CMC1: variants seen among roughly 807,000 people sequenced by gnomAD.
The protein encoded by CMC1 is COX assembly mitochondrial protein homolog.
CMC1 carries 14 observed loss-of-function variants against 14.1 expected under a neutral mutation model. The observed-to-expected ratio is 0.99, with a 90% CI of 0.66 to 1.55. CMC1 has a LOEUF of 1.55. CMC1 is among the 40% of genes most tolerant of loss of function. The probability of loss-of-function intolerance (pLI) is 0.00; values close to 1 mark genes in which losing one functional copy is unlikely to be tolerated. For synonymous variants in CMC1, 50 were observed against 38.4 expected (o/e 1.30, Z -1.12); for missense variants, 127 against 123.8 (o/e 1.03, Z -0.12).
At position 28,322,322 on chromosome 3, in the gene CMC1, A is replaced by T. The variant is rs936177853; in HGVS notation, c.*2693A>T. On this transcript the variant is annotated 3_prime_UTR_variant, in exon 4 of 4. Transcript: ENST00000466830. Reference sequence around the variant, plus strand: ...CCAACAATTAGTACTAGATTTTGAGATCTATAGGCAAGGACAATATTTCAC... The same window carrying T: ...CCAACAATTAGTACTAGATTTTGAGTTCTATAGGCAAGGACAATATTTCAC... 6 of 151,328 alleles carry T rather than the reference A, an allele frequency of 4.0e-5. No homozygotes were observed. Among genetic ancestry groups the T allele is most frequent in the African/African-American group, 9.7e-5 (4 of 41,356 alleles). 9.4% of individuals were successfully genotyped at this position (151,328 alleles called of 1,614,324 possible). A position where few individuals can be genotyped will look rare whatever the true frequency, so the allele number is the denominator to read the frequency against.
intron 1 of CMC1, among the ~76,000 whole-genome samples, chr3:28,249,586 T>C (rs1699018468): frequency 1.3e-5 from 2 of 152,294 alleles, no homozygotes; most frequent in African/African-American, 2.4e-5. Flanking sequence ...AAAATATCAA[T>C]GCCTGGCTTT....
chr3:28,300,122 CTTAT>C (rs1373895049), intron 2 of CMC1, among the ~76,000 whole-genome samples: 1 of 151,874 alleles, frequency 6.6e-6, no homozygotes, highest in Non-Finnish European at 1.5e-5. Context: ...AAAATTTGGA[CTTAT>C]TTATTAGCAA....
intron 1 of CMC1, among the ~76,000 whole-genome samples, chr3:28,243,211 A>G (rs148176333): frequency 0.013 from 1,915 of 151,952 alleles, 18 homozygotes; most frequent in Non-Finnish European, 0.02. Context: ...GCCCGCCACC[A>G]CGGCCGGCTA....
At chr3:28,295,687 G>A (rs141175598) in intron 2 of CMC1, among the ~76,000 whole-genome samples, 12 of 152,042 alleles carry the variant, frequency 7.9e-5, no homozygotes, top group African/African-American at 2.9e-4. Flanking sequence ...AAACAGGCTT[G>A]GTACATAGAA....
intron 2 of CMC1, among the ~76,000 whole-genome samples, chr3:28,268,169 G>A (rs895825282): frequency 6.6e-6 from 1 of 152,180 alleles, no homozygotes; most frequent in Non-Finnish European, 1.5e-5. Context: ...ACTATCTCAT[G>A]GGTTCCCAAT....
At position 28,241,654 on chromosome 3, in the gene CMC1, G is replaced by A. The variant is rs538521979; in HGVS notation, c.-140G>A. ...GGAAGAGGGAACGGGTCCTGGCGGTGCTTTGCAAAGGGCCCGTGTTTCTGT... is the reference window on the plus strand; with the variant it reads ...GGAAGAGGGAACGGGTCCTGGCGGTACTTTGCAAAGGGCCCGTGTTTCTGT... On this transcript the variant is annotated 5_prime_UTR_variant, in exon 1 of 4. Transcript: ENST00000466830. 2 of 1,233,336 alleles carry A rather than the reference G, an allele frequency of 1.6e-6. No individual in the cohort carries two copies. Among genetic ancestry groups the A allele is most frequent in the Non-Finnish European group, 2.0e-6 (2 of 987,854 alleles). 76.4% of individuals were successfully genotyped at this position (1,233,336 alleles called of 1,614,324 possible).
intron 2 of CMC1, among the ~76,000 whole-genome samples, chr3:28,302,510 G>T (rs914545986): frequency 6.6e-6 from 1 of 152,152 alleles, no homozygotes; most frequent in Non-Finnish European, 1.5e-5. Flanking sequence ...TGCTTTCATT[G>T]TCCACACCAG....
chr3:28,316,360 G>A lies in CMC1; in HGVS notation c.137G>A (p.Gly46Glu). Residue 46 changes from glycine to glutamate, a missense_variant, in exon 3 of 4, where the codon GGA (glycine) becomes GAA (glutamate). Coordinates refer to ENST00000466830, the MANE Select transcript of CMC1 (RefSeq NM_182523.2). ...QDFTKCCKNSGVLMVVKCRKE... is the reference protein window; with the variant it reads ...QDFTKCCKNSEVLMVVKCRKE... ...TTTACCAAATGTTGCAAGAACTCTG[G>A]AGTTCTTATGGTAGTAAAATGCCGG... 6.3e-7 allele frequency: 1 copy of A among 1,583,558 alleles called. No individual in the cohort carries two copies. The highest frequency in any genetic ancestry group is 1.7e-4 in the Middle Eastern group (1 of 5,886).
At position 28,321,381 on chromosome 3, in the gene CMC1, T is replaced by C. The variant is rs537058283; in HGVS notation, c.*1752T>C. On this transcript the variant is annotated 3_prime_UTR_variant, in exon 4 of 4. Transcript: ENST00000466830. ...GAAGTAGCCCACTTCATGTAGAAAA[T>C]TCACTTATGTACATGTTGCTTTCCC... 9 of 151,564 alleles carry C rather than the reference T, an allele frequency of 5.9e-5. No individual in the cohort carries two copies. Among genetic ancestry groups the C allele is most frequent in the African/African-American group, 1.7e-4 (7 of 41,478 alleles). The allele number at this position is 151,564 out of a possible 1,614,324, so 9.4% of individuals were successfully genotyped here.
chr3:28,274,235 T>TTTTTTTA (rs1700463043), intron 2 of CMC1, among the ~76,000 whole-genome samples: 1 of 146,342 alleles, frequency 6.8e-6, no homozygotes, highest in Non-Finnish European at 1.5e-5. Flanking sequence ...TTTTTTTTTT[T>TTTTTTTA]GCAGTGGCTA....
chr3:28,285,574 A>G (rs1364864547), intron 2 of CMC1, among the ~76,000 whole-genome samples: 1 of 151,944 alleles, frequency 6.6e-6, no homozygotes, highest in Non-Finnish European at 1.5e-5. Flanking sequence ...TATTGGGTAC[A>G]GGGTACTGTA....
At chr3:28,272,415 G>A (rs936308488) in intron 2 of CMC1, among the ~76,000 whole-genome samples, 1 of 151,960 alleles carries the variant, frequency 6.6e-6, no homozygotes, top group Admixed American at 6.6e-5. Flanking sequence ...GTTTATTGAT[G>A]GTTTTTAACA....
At chr3:28,273,019 A>G (rs2125492502) in intron 2 of CMC1, among the ~76,000 whole-genome samples, 1 of 152,276 alleles carries the variant, frequency 6.6e-6, no homozygotes, top group Non-Finnish European at 1.5e-5. Context: ...AGATTTTGGT[A>G]TCAGGATGAT....
At chr3:28,313,836 T>C (rs1391053618) in intron 2 of CMC1, among the ~76,000 whole-genome samples, 2 of 152,226 alleles carry the variant, frequency 1.3e-5, no homozygotes, top group Non-Finnish European at 2.9e-5. Flanking sequence ...AGTTAAAATA[T>C]TGGGTTTGTT....
In CMC1 at chr3:28,263,320, G is replaced by GT; in HGVS notation, c.53dup (p.Leu18PhefsTer4). The GT allele has an allele frequency of 6.2e-7, 1 of 1,607,380 alleles. No individual in the cohort carries two copies. The highest frequency in any genetic ancestry group is 8.5e-7 in the Non-Finnish European group (1 of 1,177,314). Reference sequence around the variant, plus strand: ...GCATCTCAGACATGTCGAAAAAGATGTTTTGATCCCTAAAATAATGAGAGA... The same window carrying GT: ...GCATCTCAGACATGTCGAAAAAGATGTTTTTGATCCCTAAAATAATGAGAGA... On this transcript the variant is annotated frameshift_variant, in exon 2 of 4. Coordinates refer to ENST00000466830, the MANE Select transcript of CMC1 (RefSeq NM_182523.2). LOFTEE classifies it high-confidence loss of function.
At chr3:28,254,429 C>G (rs1253234965) in intron 1 of CMC1, among the ~76,000 whole-genome samples, 1 of 151,922 alleles carries the variant, frequency 6.6e-6, no homozygotes, top group Non-Finnish European at 1.5e-5. Flanking sequence ...GATTTAATAC[C>G]AAGAATTTGG....
chr3:28,314,452 C>T (rs1274904812), intron 2 of CMC1, among the ~76,000 whole-genome samples: 1 of 152,110 alleles, frequency 6.6e-6, no homozygotes, highest in Non-Finnish European at 1.5e-5. Flanking sequence ...AGAACATTTG[C>T]AGTTGGAATA....
chr3:28,279,113 C>T (rs987694999), intron 2 of CMC1, among the ~76,000 whole-genome samples: 11 of 152,084 alleles, frequency 7.2e-5, no homozygotes, highest in Non-Finnish European at 1.3e-4. Flanking sequence ...AAAATAACTA[C>T]CCGAAAGCAC....
intron 1 of CMC1, among the ~76,000 whole-genome samples, chr3:28,249,964 T>C (rs1013609460): frequency 1.3e-5 from 2 of 151,510 alleles, no homozygotes; most frequent in African/African-American, 2.4e-5. Flanking sequence ...GAAGAGGAGG[T>C]TGAGGGAGGA....
Sources: gnomAD v4.1 joint callset for allele counts (sites outside exome capture counted in the v4.1 genomes callset) on GRCh38, gnomAD v4.1.1 for gene constraint, MANE v1.5 for transcripts, NCBI Gene and HGNC (gene_info 2026-07-23, HGNC 2026-07-21) for gene names.